The following VPS13C variants were observed in gnomAD, a reference collection of about 807,000 sequenced individuals.
The protein encoded by VPS13C is vacuolar protein sorting 13 homolog C, also known as intermembrane lipid transfer protein VPS13C.
VPS13C carries 358 observed loss-of-function variants against 456.8 expected under a neutral mutation model. That is an observed-to-expected ratio of 0.78 (90% CI 0.72 to 0.86). The LOEUF (loss-of-function observed/expected upper bound fraction) is 0.86. VPS13C is among the 40% of genes least tolerant of loss of function. VPS13C has a pLI of 0.00. For synonymous variants in VPS13C, 1,578 were observed against 1,486.7 expected, an observed-to-expected ratio of 1.06 and a Z score of -1.41; for missense variants, 4,818 against 4,385.4, an observed-to-expected ratio of 1.10 and a Z score of -2.79.
At chr15:61,880,474 AATTATTTCGATTAATCAAACAAAATTC>A in intron 73 of VPS13C, 108 bp downstream of exon 73, 1 of 578,488 alleles carries the variant, frequency 1.7e-6, no homozygotes, top group Non-Finnish European at 3.0e-6. Flanking sequence ...GAACTGTCTT[AATTATTTCGATTAATCAAACAAAATTC>A]CCACCAAATA....
intron 15 of VPS13C, among the ~76,000 whole-genome samples, chr15:62,005,951 G>A (rs191323288): frequency 3.5e-4 from 53 of 151,882 alleles, no homozygotes; most frequent in African/African-American, 9.6e-4. Context: ...TGATCCGCCC[G>A]CCTCAGCCTC....
At position 61,972,601 on chromosome 15, in the gene VPS13C, A is replaced by AC. The variant is rs1424173257; in HGVS notation, c.2757+23_2757+24insG. 3 of 1,609,196 alleles carry AC rather than the reference A, an allele frequency of 1.9e-6. No individual in the cohort carries two copies. In the South Asian group the frequency reaches 3.3e-5, roughly 18 times the overall value. The stretch of plus-strand genomic sequence containing the variant: ...AGATAGTGACAGCCAGAATATATCT[A>AC]TTTATAGACAAAAAAGCACATACTT... On this transcript the variant is annotated intron_variant, in intron 27 of 84. Coordinates refer to ENST00000644861, the MANE Select transcript of VPS13C (RefSeq NM_020821.3).
chr15:61,962,654 T>C, intron 33 of VPS13C, 95 bp downstream of exon 33: 5 of 1,310,222 alleles, frequency 3.8e-6, no homozygotes, highest in African/African-American at 3.0e-5. Flanking sequence ...TATTGAAATA[T>C]ATTTCATTAA....
intron 61 of VPS13C, among the ~76,000 whole-genome samples, chr15:61,914,338 G>A (rs912263833): frequency 6.6e-6 from 1 of 151,984 alleles, no homozygotes; most frequent in Non-Finnish European, 1.5e-5. Context: ...AGAGGCCGAG[G>A]CTGGCAGATC....
intron 73 of VPS13C, 126 bp from the exon 74 acceptor site, chr15:61,878,872 T>G: frequency 1.0e-6 from 1 of 963,066 alleles, no homozygotes; most frequent in Non-Finnish European, 1.5e-6. Flanking sequence ...AAGCTATTAT[T>G]TGATACCACA....
At chr15:61,863,627 A>C (rs554102989) in intron 81 of VPS13C, 99 bp from the exon 82 acceptor site, 1 of 687,960 alleles carries the variant, frequency 1.5e-6, no homozygotes, top group Non-Finnish European at 2.4e-6. Context: ...GTTAGGAAAA[A>C]ATTAATTAGA....
chr15:61,994,585 T>C (rs918447705), intron 16 of VPS13C, among the ~76,000 whole-genome samples: 1 of 150,082 alleles, frequency 6.7e-6, no homozygotes, highest in Non-Finnish European at 1.5e-5. Flanking sequence ...TGGAATACTA[T>C]TCAGCTATCT....
intron 81 of VPS13C, among the ~76,000 whole-genome samples, chr15:61,868,272 A>T (rs1048386236): frequency 6.6e-6 from 1 of 152,152 alleles, no homozygotes; most frequent in African/African-American, 2.4e-5. Context: ...TACTGGAATA[A>T]ATCTAGATTT....
At chr15:62,015,739 A>T (rs2047215144) in intron 9 of VPS13C, among the ~76,000 whole-genome samples, 1 of 120,928 alleles carries the variant, frequency 8.3e-6, no homozygotes, top group Non-Finnish European at 1.7e-5. Context: ...GATCACATGG[A>T]CACAGGAAGG....
At chr15:62,040,571 G>C (rs910677840) in intron 3 of VPS13C, among the ~76,000 whole-genome samples, 2 of 151,966 alleles carry the variant, frequency 1.3e-5, no homozygotes, top group Non-Finnish European at 2.9e-5. Context: ...ATTGAAGGAG[G>C]GGGGTGGAGG....
intron 46 of VPS13C, among the ~76,000 whole-genome samples, chr15:61,941,038 C>T (rs1448383932): frequency 6.6e-6 from 1 of 152,210 alleles, no homozygotes; most frequent in East Asian, 1.9e-4. Flanking sequence ...AATTTTCATA[C>T]ACTATGACAA....
Position 61,875,739 on chromosome 15 carries a change from G to C in VPS13C, c.10331C>G (p.Pro3444Arg), listed in dbSNP as rs766846258. The change falls in exon 76 of 85, where the codon CCC (proline) becomes CGC (arginine). Residue 3444 changes from proline to arginine, a missense_variant. Around this residue, in one of 3 missense-constraint regions of VPS13C, gnomAD observed 4,552 missense variants for 4,130.6 expected, o/e 1.10. Transcript: ENST00000644861. The stretch of plus-strand genomic sequence containing the variant: ...CAAATAAGAGGTCAATACCTGGAAG[G>C]GTTCATAGAATAAAGCTTCAACTCC... ...SEGVEALFYEPFQGAVQGPEE... is the reference protein window; with the variant it reads ...SEGVEALFYERFQGAVQGPEE... The C allele has an allele frequency of 6.2e-7, 1 of 1,608,918 alleles. No individual in the cohort carries two copies. The highest frequency in any genetic ancestry group is 2.2e-5 in the East Asian group (1 of 44,652).
chr15:61,927,116 T>A lies in VPS13C; in HGVS notation c.6491A>T (p.Glu2164Val). The change falls in exon 52 of 85, where the codon GAA becomes GTA. Residue 2164 changes from glutamate (E) to valine (V), a missense_variant. This residue lies in a region of VPS13C where 4,552 missense variants were observed against 4,130.6 expected (regional missense o/e 1.10). Coordinates refer to ENST00000644861, the MANE Select transcript of VPS13C (RefSeq NM_020821.3). Reference protein sequence around the residue: ...LKVLACPFLREKRGKNITTVL... With the variant: ...LKVLACPFLRVKRGKNITTVL... ...TGTGGTAATGTTTTTCCCTCTCTTT[T>A]CTCTGAGAAAAGGGCAAGCGAGCAC... 2 of 1,614,188 alleles carry A rather than the reference T, an allele frequency of 1.2e-6. No homozygotes were observed. The highest frequency in any genetic ancestry group is 1.7e-6 in the Non-Finnish European group (2 of 1,180,014).
chr15:61,954,277 A>C, intron 38 of VPS13C, 144 bp downstream of exon 38: 2 of 844,942 alleles, frequency 2.4e-6, no homozygotes, highest in South Asian at 2.0e-5. Flanking sequence ...ACAAACTTTC[A>C]ATTTTTAAAA....
chr15:62,023,697 T>C, intron 7 of VPS13C, 83 bp downstream of exon 7: 1 of 1,350,738 alleles, frequency 7.4e-7, no homozygotes, highest in East Asian at 2.3e-5. Context: ...TACTGTTATC[T>C]GACATTCATT....
In VPS13C at chr15:62,016,715, A is replaced by G. The variant is rs1236037313; in HGVS notation, c.685-2723T>C. ...GTTCCAAGTCTTTGCTATTGTGAGT[A>G]GTGCTGCAGTAAACACATGTGTACA... On this transcript the variant is annotated intron_variant, in intron 9 of 84. Transcript: ENST00000644861. Among the ~76,000 whole-genome samples the G allele has an allele frequency of 5.9e-5, 9 of 152,106 alleles. 1 individual carries two copies.
intron 1 of VPS13C, among the ~76,000 whole-genome samples, chr15:62,052,717 G>A (rs747618429): frequency 6.1e-5 from 9 of 148,276 alleles, no homozygotes; most frequent in Non-Finnish European, 1.3e-4. Flanking sequence ...AAATATTATA[G>A]CTATTCATTT....
rs1289139133 is a variant in VPS13C, at chr15:61,989,444, A to T, written c.1578+1556T>A. On this transcript the variant is annotated intron_variant, in intron 18 of 84. Transcript: ENST00000644861. The stretch of plus-strand genomic sequence containing the variant: ...TGAAAATGTACTTTACATTGTGGGC[A>T]GACAGACTTGCAACACAACTAAAAG... Among the ~76,000 whole-genome samples the T allele has an allele frequency of 2.0e-5, 3 of 152,184 alleles. No homozygotes were observed. The East Asian group carries it at 5.8e-4, about 29-fold the overall frequency.
intron 77 of VPS13C, 120 bp downstream of exon 77, chr15:61,874,756 A>G (rs1012078051): frequency 1.2e-5 from 10 of 852,112 alleles, no homozygotes; most frequent in Non-Finnish European, 1.7e-5. Flanking sequence ...GTCTTTTAAA[A>G]GGGATTATTA....
Sources: gnomAD v4.1 joint callset for allele counts (sites outside exome capture counted in the v4.1 genomes callset) on GRCh38, gnomAD v4.1.1 for gene constraint, gnomAD v4.1.1 regional missense constraint, MANE v1.5 for transcripts, NCBI Gene and HGNC (gene_info 2026-07-23, HGNC 2026-07-21) for gene names.